INSYN2B: variants seen among roughly 807,000 people sequenced by gnomAD.
The protein encoded by INSYN2B is protein INSYN2B.
A neutral mutation model predicts 41.2 loss-of-function variants in INSYN2B; 16 were observed. That is an observed-to-expected ratio of 0.39 (90% confidence interval 0.26 to 0.59). INSYN2B has a LOEUF of 0.59. Among genes scored for constraint, INSYN2B ranks in the 20% least tolerant of loss-of-function variants. The pLI is 0.57. For synonymous variants in INSYN2B, 245 were observed against 244.4 expected, an observed-to-expected ratio of 1.00 and a Z score of -0.02; for missense variants, 608 against 646.4, an observed-to-expected ratio of 0.94 and a Z score of 0.64.
At chr5:169,902,517 G>A (rs1373075966) in intron 1 of INSYN2B, among the ~76,000 whole-genome samples, 2 of 152,168 alleles carry the variant, frequency 1.3e-5, no homozygotes, top group Non-Finnish European at 2.9e-5. Flanking sequence ...CAAGTAGAGT[G>A]GTTTCTGGAA....
intron 1 of INSYN2B, among the ~76,000 whole-genome samples, chr5:169,946,136 A>T (rs576983628): frequency 7.2e-5 from 11 of 152,320 alleles, no homozygotes; most frequent in South Asian, 6.2e-4. Flanking sequence ...ATGAGGAAGG[A>T]GTGATCTAAC....
chr5:169,896,088 G>C lies in INSYN2B; in HGVS notation c.-918-11272C>G, dbSNP rs1773587176. On this transcript the variant is annotated intron_variant, in intron 1 of 3. Coordinates refer to ENST00000377365, the MANE Select transcript of INSYN2B (RefSeq NM_001129891.3). Reference sequence around the variant, plus strand: ...GTTTCCCAGTCCCATGTCTGAGCCTGATTGGCTGCACTGGGGCACAGGGAT... The same window carrying C: ...GTTTCCCAGTCCCATGTCTGAGCCTCATTGGCTGCACTGGGGCACAGGGAT... Among the ~76,000 whole-genome samples, 3 of 152,124 alleles carry C rather than the reference G, an allele frequency of 2.0e-5. No homozygotes were observed. The South Asian group carries it at 6.2e-4, about 32-fold the overall frequency.
At chr5:169,878,138 T>C (rs1366748222) in intron 3 of INSYN2B, among the ~76,000 whole-genome samples, 1 of 152,150 alleles carries the variant, frequency 6.6e-6, no homozygotes, top group African/African-American at 2.4e-5. Flanking sequence ...GCTGGAGATA[T>C]GACTGGAAAA....
Position 169,864,320 on chromosome 5 carries a change from T to C in INSYN2B, c.1561A>G (p.Arg521Gly). 1 of 1,551,630 alleles carries C rather than the reference T, an allele frequency of 6.4e-7. No individual in the cohort carries two copies. Among genetic ancestry groups the C allele is most frequent in the Non-Finnish European group, 8.7e-7 (1 of 1,146,940 alleles). ...EPPAPEKQDL[R>G]RKTKKVKKKC... ...TTTTTCACCTTCTTGGTTTTCCGCC[T>C]TAAGTCCTGCTTTTCCGGGGCTGGG... Residue 521 changes from arginine (R) to glycine (G), a missense_variant, in exon 4 of 4, where the codon AGG becomes GGG. Arg to Gly is a moderately radical substitution (Grantham distance 125, BLOSUM62 -2). Coordinates refer to ENST00000377365, the MANE Select transcript of INSYN2B (RefSeq NM_001129891.3).
At chr5:169,912,538 C>T (rs1188460875) in intron 1 of INSYN2B, among the ~76,000 whole-genome samples, 4 of 152,152 alleles carry the variant, frequency 2.6e-5, no homozygotes, top group Non-Finnish European at 5.9e-5. Flanking sequence ...TTAATAACTA[C>T]TCCAATCCAT....
chr5:169,882,870 T>G lies in INSYN2B; in HGVS notation c.1029A>C (p.Lys343Asn), dbSNP rs1772741049. The G allele has an allele frequency of 6.4e-7, 1 of 1,551,264 alleles. No individual in the cohort carries two copies. The highest frequency in any genetic ancestry group is 8.7e-7 in the Non-Finnish European group (1 of 1,146,702). Residue 343 changes from lysine to asparagine, a missense_variant, in exon 2 of 4, where the codon AAA becomes AAC. Transcript: ENST00000377365. ...SNNHQNLVSL[K>N]TNSASKSAPG... ...GGGCAGATTTCGATGCACTGTTAGT[T>G]TTGAGTGACACCAGATTCTGGTGAT... is the stretch of plus-strand genomic sequence containing the variant.
chr5:169,921,240 T>A (rs578030135), intron 1 of INSYN2B, among the ~76,000 whole-genome samples: 5 of 152,350 alleles, frequency 3.3e-5, no homozygotes, highest in African/African-American at 1.2e-4. Context: ...TTCCTCCTGA[T>A]GTAAGATTTT....
Position 169,884,207 on chromosome 5 carries a change from G to A in INSYN2B, c.-309C>T, listed in dbSNP as rs527855883. ...TGATCTACCAAGAGAGCTGGTAGGC[G>A]GTTTATCAAGGGAGGCTGGCACGCG... On this transcript the variant is annotated 5_prime_UTR_variant, in exon 2 of 4. Transcript: ENST00000377365. The A allele has an allele frequency of 3.6e-5, 8 of 220,648 alleles. No homozygotes were observed. Among genetic ancestry groups the A allele is most frequent in the East Asian group, 9.7e-5 (1 of 10,338 alleles). The allele number at this position is 220,648 out of a possible 1,614,324, so 13.7% of individuals were successfully genotyped here.
chr5:169,923,143 C>G (rs773724232), intron 1 of INSYN2B, among the ~76,000 whole-genome samples: 7 of 152,178 alleles, frequency 4.6e-5, no homozygotes, highest in Non-Finnish European at 8.8e-5. Context: ...CTCCTCACCT[C>G]TGTGCTGGGT....
chr5:169,888,791 C>T (rs1354270538), intron 1 of INSYN2B, among the ~76,000 whole-genome samples: 1 of 152,172 alleles, frequency 6.6e-6, no homozygotes, highest in Non-Finnish European at 1.5e-5. Flanking sequence ...AGTCAGTGTT[C>T]ACTCTTCAGA....
intron 1 of INSYN2B, among the ~76,000 whole-genome samples, chr5:169,945,654 C>T (rs1776418349): frequency 6.6e-6 from 1 of 152,204 alleles, no homozygotes; most frequent in Admixed American, 6.5e-5. Flanking sequence ...GCAGTGGCCT[C>T]TTCACACGGG....
chr5:169,883,246 T>G lies in INSYN2B; in HGVS notation c.653A>C (p.Glu218Ala). ...TGACCTGTCTGGGCTGAGAGCAGAC[T>G]CTCTAGCTTCCCAGGAAGGACTGTG... ...IYHSPSWEAR[E>A]SALSPDRSAE... The change falls in exon 2 of 4, where the codon GAG becomes GCG. Residue 218 changes from glutamate (E) to alanine (A), a missense_variant. By Grantham distance (107) the Glu-to-Ala change is moderately radical. Coordinates refer to ENST00000377365, the MANE Select transcript of INSYN2B (RefSeq NM_001129891.3). 6.4e-7 allele frequency: 1 copy of G among 1,551,620 alleles called. No individual in the cohort carries two copies. The highest frequency in any genetic ancestry group is 8.7e-7 in the Non-Finnish European group (1 of 1,146,944).
At chr5:169,971,573 T>A (rs1004122667) in intron 1 of INSYN2B, among the ~76,000 whole-genome samples, 2 of 152,170 alleles carry the variant, frequency 1.3e-5, no homozygotes, top group African/African-American at 4.8e-5. Flanking sequence ...TTTCTCATCA[T>A]GGGGATCAGC....
At chr5:169,973,304 C>T (rs985266201) in intron 1 of INSYN2B, among the ~76,000 whole-genome samples, 1 of 152,188 alleles carries the variant, frequency 6.6e-6, no homozygotes, top group African/African-American at 2.4e-5. Flanking sequence ...GGGTTTAAAT[C>T]ATCCTCTACA....
chr5:169,980,082 T>C (rs1213115027), intron 1 of INSYN2B, among the ~76,000 whole-genome samples, 195 bp downstream of exon 1: 1 of 152,208 alleles, frequency 6.6e-6, no homozygotes, highest in Admixed American at 6.5e-5. Flanking sequence ...TCCATATCCA[T>C]GCATTTGGGG....
chr5:169,939,139 C>T (rs4285242), intron 1 of INSYN2B, among the ~76,000 whole-genome samples: 34,893 of 151,454 alleles, frequency 0.23, 4,235 homozygotes, highest in Non-Finnish European at 0.26. Flanking sequence ...CTCCTGACCT[C>T]GTGATCCGCC....
At chr5:169,971,401 T>C (rs766334165) in intron 1 of INSYN2B, among the ~76,000 whole-genome samples, 8 of 149,000 alleles carry the variant, frequency 5.4e-5, no homozygotes, top group Non-Finnish European at 1.0e-4. Context: ...GGACTTCCAC[T>C]TCCTTCTGCC....
At position 169,952,713 on chromosome 5, in the gene INSYN2B, C is replaced by T. The variant is rs572490807; in HGVS notation, c.-919+27564G>A. The stretch of plus-strand genomic sequence containing the variant: ...TATCATGCTCCAGCCAGCCTTGCCC[C>T]TGGAATGGAGACATCTCAGGTAGGG... On this transcript the variant is annotated intron_variant, in intron 1 of 3. Transcript: ENST00000377365. 2.6e-5 allele frequency among the ~76,000 whole-genome samples: 4 copies of T among 152,326 alleles called. No individual in the cohort carries two copies. In the East Asian group the frequency reaches 7.7e-4, roughly 29 times the overall value.
At chr5:169,929,450 C>T (rs142753663) in intron 1 of INSYN2B, among the ~76,000 whole-genome samples, 2 of 152,150 alleles carry the variant, frequency 1.3e-5, no homozygotes, top group Non-Finnish European at 2.9e-5. Context: ...AAGAAGTCAT[C>T]CTGTGGCCAG....
Sources: allele counts gnomAD v4.1 joint callset (sites outside exome capture counted in the v4.1 genomes callset), GRCh38; gene constraint gnomAD v4.1.1; transcripts MANE v1.5; gene names NCBI Gene and HGNC (gene_info 2026-07-23, HGNC 2026-07-21).